The following C3 variants were observed in gnomAD, a reference collection of about 807,000 sequenced individuals.
C3 encodes C3 and PZP-like alpha-2-macroglobulin domain-containing protein 1.
Under a neutral mutation model 207.9 loss-of-function variants are expected in C3, and 97 were observed. The observed-to-expected ratio is 0.47, with a 90% CI of 0.40 to 0.55. The LOEUF (loss-of-function observed/expected upper bound fraction) is 0.55, where lower values mean the gene tolerates loss of function less well. C3 is among the 20% of genes least tolerant of loss of function. C3 has a pLI of 0.00. For missense variants in C3, 1,684 were observed against 2,171.7 expected (o/e 0.78, Z 4.46); for synonymous variants, 848 against 857.6 (o/e 0.99, Z 0.20).
chr19:6,706,463 A>G (rs1408458109), intron 17 of C3, among the ~76,000 whole-genome samples: 1 of 151,678 alleles, frequency 6.6e-6, no homozygotes, highest in Non-Finnish European at 1.5e-5. Context: ...AGCCTCCTCC[A>G]TCTCAGATGG....
At position 6,700,967 on chromosome 19, in the gene C3, T is replaced by C. The variant is rs191653556; in HGVS notation, c.2440+1160A>G. Among the ~76,000 whole-genome samples, 4 of 151,948 alleles carry C rather than the reference T, an allele frequency of 2.6e-5. No individual in the cohort carries two copies. In the East Asian group the frequency reaches 7.7e-4, roughly 29 times the overall value. On this transcript the variant is annotated intron_variant, in intron 19 of 40. Transcript: ENST00000245907. Reference sequence around the variant, plus strand: ...AGAAAAGCATCAATTTTAGAGACTGTACCCCCACCCTGTCTAGCTTTTGAC... The same window carrying C: ...AGAAAAGCATCAATTTTAGAGACTGCACCCCCACCCTGTCTAGCTTTTGAC...
chr19:6,678,271 C>G lies in C3; in HGVS notation c.4731G>C (p.Gln1577His). The G allele has an allele frequency of 6.2e-7, 1 of 1,614,194 alleles. No individual in the cohort carries two copies. The highest frequency in any genetic ancestry group is 1.1e-5 in the South Asian group (1 of 91,088). Residue 1577 changes from glutamine (Q) to histidine (H), a missense_variant, in exon 40 of 41, where the codon CAG (glutamine) becomes CAC (histidine). Gln to His is a conservative substitution (Grantham distance 24, BLOSUM62 0). This residue lies in a region of C3 where 346 missense variants were observed against 380.1 expected (regional missense o/e 0.91). Coordinates refer to ENST00000245907, the MANE Select transcript of C3 (RefSeq NM_000064.4). The part of the protein sequence containing the change: ...QTIKSGSDEV[Q>H]VGQQRTFISP... ...TGATGAACGTGCGCTGCTGTCCAAC[C>G]TGCACCTCATCCGAGCCTGGAGTGG...
Position 6,677,716 on chromosome 19 carries a change from C to T in C3, c.*166G>A, listed in dbSNP as rs898905154. 12 of 852,556 alleles carry T rather than the reference C, an allele frequency of 1.4e-5. No individual in the cohort carries two copies. Among genetic ancestry groups the T allele is most frequent in the East Asian group, 2.7e-5 (1 of 37,494 alleles). The allele number at this position is 852,556 out of a possible 1,614,324, so 52.8% of individuals were successfully genotyped here. ...CTAAAGAAGTCAGCACACTAGCAGG[C>T]GAACGCCAGGAGAAAATGCGGTGGG... On this transcript the variant is annotated 3_prime_UTR_variant, in exon 41 of 41. Coordinates refer to ENST00000245907, the MANE Select transcript of C3 (RefSeq NM_000064.4).
chr19:6,703,257 G>A (rs1175682502), intron 17 of C3, among the ~76,000 whole-genome samples: 2 of 152,100 alleles, frequency 1.3e-5, no homozygotes, highest in East Asian at 1.9e-4. Flanking sequence ...CTGGTATAAG[G>A]ACATATACAA....
chr19:6,679,267 C>T, intron 37 of C3, 59 bp from the exon 38 acceptor site: 2 of 1,528,294 alleles, frequency 1.3e-6, no homozygotes, highest in Non-Finnish European at 1.8e-6. Context: ...GCCTACTGCC[C>T]ATGGGTGTGG....
Position 6,693,076 on chromosome 19 carries a change from C to T in C3, c.3238G>A (p.Ala1080Thr). Residue 1080 changes from alanine to threonine, a missense_variant, in exon 26 of 41, where the codon GCC (alanine) becomes ACC (threonine). Transcript: ENST00000245907. ...VKRAPSTWLTAYVVKVFSLAV... is the reference protein window; with the variant it reads ...VKRAPSTWLTTYVVKVFSLAV... ...AGAGAGAAGACCTTGACCACGTAGGCGGTCAGCCTGGAGTGGGCACAGAGC... is the reference window on the plus strand; with the variant it reads ...AGAGAGAAGACCTTGACCACGTAGGTGGTCAGCCTGGAGTGGGCACAGAGC... 1.9e-6 allele frequency: 3 copies of T among 1,613,968 alleles called. No individual in the cohort carries two copies. Among genetic ancestry groups the T allele is most frequent in the Non-Finnish European group, 2.5e-6 (3 of 1,179,976 alleles).
chr19:6,707,319 C>T (rs757912040), intron 16 of C3, 46 bp from the exon 17 acceptor site: 5 of 1,601,770 alleles, frequency 3.1e-6, no homozygotes, highest in Non-Finnish European at 4.3e-6. Context: ...AGCCGGGGGC[C>T]GGCAGCAGGA....
intron 21 of C3, among the ~76,000 whole-genome samples, chr19:6,697,052 A>AAAAAAAAAAAAAAAAT (rs1967552210): frequency 1.1e-5 from 1 of 88,380 alleles, no homozygotes; most frequent in African/African-American, 4.8e-5. Context: ...AAAAAAATAA[A>AAAAAAAAAAAAAAAAT]CAAACAAATA....
chr19:6,717,818 ATGT>A (rs1474082877), intron 4 of C3: 11 of 570,952 alleles, frequency 1.9e-5, no homozygotes, highest in Middle Eastern at 4.8e-4. Flanking sequence ...GTGGTCGTGT[ATGT>A]TGTGTGTTTG....
chr19:6,694,373 G>C, intron 24 of C3, 58 bp downstream of exon 24: 4 of 1,493,590 alleles, frequency 2.7e-6, no homozygotes, highest in Non-Finnish European at 3.7e-6. Context: ...GGGATCTTAG[G>C]GGAGGGATGC....
chr19:6,693,262 G>A lies in C3; in HGVS notation c.3230+150C>T, dbSNP rs11569492. The A allele has an allele frequency of 0.12, 125,231 of 1,065,270 alleles. 8,030 individuals carry two copies. Among genetic ancestry groups the A allele is most frequent in the Non-Finnish European group, 0.13 (89,866 of 716,098 alleles). 66.0% of individuals were successfully genotyped at this position (1,065,270 alleles called of 1,614,324 possible). A position where few individuals can be genotyped will look rare whatever the true frequency, so the allele number is the denominator to read the frequency against. On this transcript the variant is annotated intron_variant, in intron 25 of 40. Coordinates refer to ENST00000245907, the MANE Select transcript of C3 (RefSeq NM_000064.4). ...TGCTTAAGGATGCTTAATGACCGCC[G>A]GCCACTCAGCCAGCGCTTGCCTGGA...
intron 26 of C3, 39 bp downstream of exon 26, chr19:6,692,885 C>A (rs555151051): frequency 1.3e-5 from 21 of 1,608,928 alleles, no homozygotes; most frequent in Admixed American, 6.7e-5. Context: ...GACTCAGGAG[C>A]CCCTCTCTTC....
Position 6,697,076 on chromosome 19 carries a change from A to AT in C3, c.2796+267_2796+268insA, listed in dbSNP as rs71177114. Among the ~76,000 whole-genome samples the AT allele has an allele frequency of 0.16, 17,629 of 111,090 alleles. 2,811 individuals carry two copies. The highest frequency in any genetic ancestry group is 0.26 in the Admixed American group (2,541 of 9,662). 72.9% of individuals were successfully genotyped at this position (111,090 alleles called of 152,430 possible). ...AACAAACAAATAAATAAATAAATAA[A>AT]AAATTTCAAATCGAGTATAAAAAAA... On this transcript the variant is annotated intron_variant, in intron 21 of 40. Transcript: ENST00000245907.
chr19:6,714,264 A>T lies in C3; in HGVS notation c.600-16T>A. 1.9e-6 allele frequency: 3 copies of T among 1,613,572 alleles called. No homozygotes were observed. The highest frequency in any genetic ancestry group is 2.5e-6 in the Non-Finnish European group (3 of 1,179,770). On this transcript the variant is annotated splice_polypyrimidine_tract_variant and intron_variant, in intron 5 of 40. Transcript: ENST00000245907. ...CTGGCCCATGCTGTGAGGAGGGCGG[A>T]TGAGTGGTCTCTCAGGCCTCGGAGC...
chr19:6,713,635 C>G (rs1967967136), intron 7 of C3, 126 bp from the exon 8 acceptor site: 1 of 745,566 alleles, frequency 1.3e-6, no homozygotes, highest in African/African-American at 1.8e-5. Flanking sequence ...CTGGCCCCAC[C>G]TCCAGCCCCT....
chr19:6,709,611 T>TGGCCCCCCCCCCCCCCC, intron 14 of C3, 73 bp downstream of exon 14: 1 of 1,109,448 alleles, frequency 9.0e-7, no homozygotes, highest in East Asian at 2.6e-5. Flanking sequence ...CCCTCTCCAG[T>TGGCCCCCCCCCCCCCCC]CCCACCCACC....
rs746332934 is a variant in C3, at chr19:6,718,397, C to T, written c.283G>A (p.Glu95Lys). 109 of 1,614,100 alleles carry T rather than the reference C, an allele frequency of 6.8e-5. No individual in the cohort carries two copies. The highest frequency in any genetic ancestry group is 8.9e-5 in the Non-Finnish European group (105 of 1,180,046). The change falls in exon 3 of 41, where the codon GAG becomes AAG. Residue 95 changes from glutamate (E) to lysine (K), a missense_variant. Glu to Lys is a moderately conservative substitution (Grantham distance 56). Coordinates refer to ENST00000245907, the MANE Select transcript of C3 (RefSeq NM_000064.4). ...TTGCGCCCCTTTTCTGACTTGAACT[C>T]CCTGTTGGCTGGGATCTAGGCGTGG... ...NVTFTIPANR[E>K]FKSEKGRNKF... is the part of the protein sequence containing the mutation.
chr19:6,688,216 C>T (rs918504745), intron 27 of C3, among the ~76,000 whole-genome samples: 3 of 152,012 alleles, frequency 2.0e-5, no homozygotes, highest in South Asian at 2.1e-4. Context: ...CTGCAACCTC[C>T]GCCTCCCGGG....
At chr19:6,702,412 C>T in intron 18 of C3, 59 bp downstream of exon 18, 3 of 1,125,590 alleles carry the variant, frequency 2.7e-6, no homozygotes, top group Non-Finnish European at 4.1e-6. Flanking sequence ...ATAGCAGGTG[C>T]ATGCAAATTA....
Sources: allele counts gnomAD v4.1 joint callset (sites outside exome capture counted in the v4.1 genomes callset), GRCh38; gene constraint gnomAD v4.1.1; regional missense constraint gnomAD v4.1.1; transcripts MANE v1.5; gene names NCBI Gene and HGNC (gene_info 2026-07-23, HGNC 2026-07-21).